The following CEP131 variants were observed in gnomAD, a reference collection of about 807,000 sequenced individuals.
CEP131 encodes centrosomal protein of 131 kDa.
A neutral mutation model predicts 136.8 loss-of-function variants in CEP131; 99 were observed. The ratio of observed to expected loss-of-function variants is 0.72; its 90% CI spans 0.62 to 0.86. The LOEUF (loss-of-function observed/expected upper bound fraction) is 0.86. CEP131 is among the 40% of genes least tolerant of loss of function. The pLI is 0.00. For missense variants in CEP131, 1,459 were observed against 1,463.0 expected, an observed-to-expected ratio of 1.00 and a Z score of 0.04; for synonymous variants, 646 against 612.7, an observed-to-expected ratio of 1.05 and a Z score of -0.80.
At position 81,217,398 on chromosome 17, in the gene CEP131, C is replaced by A. The variant is rs561044699; in HGVS notation, c.177+2482G>T. On this transcript the variant is annotated intron_variant, in intron 2 of 25. Coordinates refer to ENST00000450824, the MANE Select transcript of CEP131 (RefSeq NM_014984.4). Reference sequence around the variant, plus strand: ...GGTCTCCGAGCCAGGGGACAGCACCCCACCCCACCCACAAACACCAGGAGG... The same window carrying A: ...GGTCTCCGAGCCAGGGGACAGCACCACACCCCACCCACAAACACCAGGAGG... Among the ~76,000 whole-genome samples, 25 of 152,066 alleles carry A rather than the reference C, an allele frequency of 1.6e-4. 1 individual carries two copies. The South Asian group carries it at 5.2e-3, about 32-fold the overall frequency.
chr17:81,219,931 G>A lies in CEP131; in HGVS notation c.126C>T (p.Ile42=), dbSNP rs765991096. The A allele has an allele frequency of 7.4e-6, 12 of 1,612,274 alleles. No homozygotes were observed. Among genetic ancestry groups the A allele is most frequent in the African/African-American group, 1.3e-5 (1 of 74,956 alleles). ...RPGSAATTKP[I]VRSVSVVTGS... is the part of the protein sequence containing the mutation. Reference sequence around the variant, plus strand: ...CTGTGACCACGGAGACAGAGCGGACGATGGGCTTGGTGGTGGCGGCACTGC... The same window carrying A: ...CTGTGACCACGGAGACAGAGCGGACAATGGGCTTGGTGGTGGCGGCACTGC... The change falls in exon 2 of 26, where the codon ATC becomes ATT. Residue 42 remains isoleucine, a synonymous_variant. Transcript: ENST00000450824. This position sits in a 1 kb window ranked among gnomAD's most constrained non-coding sequence, Gnocchi z 4.0.
In CEP131 at chr17:81,190,974, T is replaced by G. The variant is rs201675408; in HGVS notation, c.2876A>C (p.Glu959Ala). 5 of 1,606,664 alleles carry G rather than the reference T, an allele frequency of 3.1e-6. No individual in the cohort carries two copies. In the Admixed American group the frequency reaches 8.3e-5, roughly 27 times the overall value. Reference protein sequence around the residue: ...SELKGQLGEAEGENLRLQGLV... With the variant: ...SELKGQLGEAAGENLRLQGLV... Reference sequence around the variant, plus strand: ...GCCCTGCAGACGCAGATTCTCGCCCTCGGCCTCCCCAAGCTGGCCCTTCAG... The same window carrying G: ...GCCCTGCAGACGCAGATTCTCGCCCGCGGCCTCCCCAAGCTGGCCCTTCAG... Residue 959 changes from glutamate (E) to alanine (A), a missense_variant, in exon 23 of 26, where the codon GAG becomes GCG. By Grantham distance (107) the Glu-to-Ala change is moderately radical. Around this residue, in one of 3 missense-constraint regions of CEP131, gnomAD observed 1,026 missense variants for 964.2 expected, o/e 1.06. Coordinates refer to ENST00000450824, the MANE Select transcript of CEP131 (RefSeq NM_014984.4).
chr17:81,205,909 A>G (rs1598300986), intron 5 of CEP131, among the ~76,000 whole-genome samples: 1 of 152,230 alleles, frequency 6.6e-6, no homozygotes, highest in South Asian at 2.1e-4. Flanking sequence ...AAAATAAATT[A>G]AAAAGCAAGA....
At chr17:81,209,609 C>T (rs576417689) in intron 2 of CEP131, among the ~76,000 whole-genome samples, 3 of 149,128 alleles carry the variant, frequency 2.0e-5, no homozygotes, top group Middle Eastern at 3.5e-3. Context: ...AGGATCAGAG[C>T]GCTCGGAGAA....
At position 81,208,746 on chromosome 17, in the gene CEP131, C is replaced by G. The variant is rs1241324401; in HGVS notation, c.272+182G>C. On this transcript the variant is annotated intron_variant, in intron 3 of 25. Transcript: ENST00000450824. This position sits in a 1 kb window ranked among gnomAD's most constrained non-coding sequence, Gnocchi z 5.6. ...CTGCCTCAGGCCTCCCGCCCCAATG[C>G]GAGAGGAGGCCTGGGACACAAAGCT... 2.0e-5 allele frequency among the ~76,000 whole-genome samples: 3 copies of G among 152,118 alleles called. No individual in the cohort carries two copies. The highest frequency in any genetic ancestry group is 2.1e-4 in the South Asian group (1 of 4,834).
intron 2 of CEP131, among the ~76,000 whole-genome samples, chr17:81,210,973 C>G (rs147814262): frequency 2.6e-5 from 4 of 152,222 alleles, no homozygotes; most frequent in African/African-American, 7.2e-5. Context: ...GAGCCCAGCT[C>G]GGCGGCAGCA....
intron 2 of CEP131, among the ~76,000 whole-genome samples, chr17:81,213,768 G>C (rs965484805): frequency 6.6e-6 from 1 of 152,170 alleles, no homozygotes. Context: ...ACCTTGGCCA[G>C]GGGACCAAGG....
Position 81,197,068 on chromosome 17 carries a change from C to T in CEP131, c.1648-13G>A, listed in dbSNP as rs1199468419. 2 of 1,580,324 alleles carry T rather than the reference C, an allele frequency of 1.3e-6. No individual in the cohort carries two copies. Among genetic ancestry groups the T allele is most frequent in the Non-Finnish European group, 1.7e-6 (2 of 1,163,484 alleles). The stretch of plus-strand genomic sequence containing the variant: ...CCGGCACCCACCCCTGCAGACACAG[C>T]CGAGCGTCAGGCGGAAGCGGCAGAG... On this transcript the variant is annotated splice_polypyrimidine_tract_variant and intron_variant, in intron 13 of 25. Transcript: ENST00000450824.
intron 16 of CEP131, 67 bp downstream of exon 16, chr17:81,195,768 C>CTG (rs2061740753): frequency 2.9e-6 from 4 of 1,388,784 alleles, no homozygotes; most frequent in Non-Finnish European, 3.0e-6. Flanking sequence ...GTTCTGGGGG[C>CTG]TGTGCCAGCT....
At chr17:81,205,395 GC>G in intron 5 of CEP131, among the ~76,000 whole-genome samples, 1 of 124,564 alleles carries the variant, frequency 8.0e-6, no homozygotes, top group African/African-American at 3.3e-5. Context: ...AGGAGGGGCA[GC>G]GGGGCAGTGG....
intron 2 of CEP131, among the ~76,000 whole-genome samples, chr17:81,218,449 C>T (rs1438504778): frequency 6.6e-6 from 1 of 152,254 alleles, no homozygotes; most frequent in Non-Finnish European, 1.5e-5. Context: ...GTCAGTGACG[C>T]AGGAGCAGGG....
chr17:81,196,977 CCAGCTT>C lies in CEP131; in HGVS notation c.1720_1725del (p.Lys574_Leu575del), dbSNP rs770158663. ...ATGGCCTGCTTCTTCTCCTCCACCT[CCAGCTT>C]CAGCCGCATCACAGACGTGCTCACC... On this transcript the variant is annotated inframe_deletion, in exon 14 of 26. Coordinates refer to ENST00000450824, the MANE Select transcript of CEP131 (RefSeq NM_014984.4). The C allele has an allele frequency of 2.5e-5, 40 of 1,606,870 alleles. No homozygotes were observed. In the East Asian group the frequency reaches 6.5e-4, roughly 26 times the overall value.
At chr17:81,192,696 A>AGGGGTCCCTGGGAGAGGGCGT in intron 19 of CEP131, 40 bp downstream of exon 19, 1 of 1,452,352 alleles carries the variant, frequency 6.9e-7, no homozygotes, top group Non-Finnish European at 9.4e-7. Context: ...TCAGCCAGCG[A>AGGGGTCCCTGGGAGAGGGCGT]GGGGTCCCTG....
chr17:81,212,134 G>A (rs1168869660), intron 2 of CEP131, among the ~76,000 whole-genome samples: 6 of 151,286 alleles, frequency 4.0e-5, no homozygotes, highest in Non-Finnish European at 8.8e-5. Flanking sequence ...GGCCACCATG[G>A]TGAAACCTTG....
In CEP131 at chr17:81,195,848, G is replaced by A. The variant is rs368812421; in HGVS notation, c.2003C>T (p.Ala668Val). 3.9e-4 allele frequency: 629 copies of A among 1,604,986 alleles called. 8 individuals carry two copies. The South Asian group carries it at 6.3e-3, about 16-fold the overall frequency. ...RCTERVAQAQ[A>V]QHELEIKKLK... ...GCAAAGCCTCACCAGCTCGTGCTGC[G>A]CCTGTGCCTGGGCCACACGCTCGGT... Residue 668 changes from alanine to valine, a missense_variant, in exon 16 of 26, where the codon GCG (alanine) becomes GTG (valine). Ala to Val is a moderately conservative substitution (Grantham distance 64). This residue lies in a region of CEP131 where 1,026 missense variants were observed against 964.2 expected (regional missense o/e 1.06). Coordinates refer to ENST00000450824, the MANE Select transcript of CEP131 (RefSeq NM_014984.4).
rs749269346 is a variant in CEP131, at chr17:81,215,967, C to T, written c.177+3913G>A. Among the ~76,000 whole-genome samples the T allele has an allele frequency of 4.6e-5, 7 of 152,032 alleles. No homozygotes were observed. The highest frequency in any genetic ancestry group is 7.4e-5 in the Non-Finnish European group (5 of 68,006). On this transcript the variant is annotated intron_variant, in intron 2 of 25. Transcript: ENST00000450824. The surrounding 1 kb of genome is among the most constrained non-coding windows in gnomAD (Gnocchi z 4.1). ...AGGGTCAGGTGCAGCGGCCCACACC[C>T]GTAATCCCAGCACTTTGGGAGGCCG...
In CEP131 at chr17:81,200,454, G is replaced by A. The variant is rs900323486; in HGVS notation, c.789-8C>T. On this transcript the variant is annotated splice_region_variant and splice_polypyrimidine_tract_variant and intron_variant, in intron 7 of 25. Transcript: ENST00000450824. ...TTCACCTGGTGGATAAACCTGCCCG[G>A]AGAGCAGGACTCAGGGCCAAGACAG... 6 of 1,541,668 alleles carry A rather than the reference G, an allele frequency of 3.9e-6. No homozygotes were observed. In the African/African-American group the frequency reaches 5.5e-5, roughly 14 times the overall value.
chr17:81,199,573 A>G, intron 9 of CEP131, 24 bp from the exon 10 acceptor site: 1 of 1,599,118 alleles, frequency 6.3e-7, no homozygotes. Context: ...ATCGCTGAGC[A>G]CTGTCCCTGG....
At chr17:81,204,298 C>G (rs894558782) in intron 5 of CEP131, among the ~76,000 whole-genome samples, 1 of 152,184 alleles carries the variant, frequency 6.6e-6, no homozygotes, top group Non-Finnish European at 1.5e-5. Flanking sequence ...CCTGCCCTCC[C>G]CAGCTGGCCC....
Sources: gnomAD v4.1 joint callset for allele counts (sites outside exome capture counted in the v4.1 genomes callset) on GRCh38, gnomAD v4.1.1 for gene constraint, gnomAD v4.1.1 regional missense constraint, Gnocchi (gnomAD v3.1) non-coding constraint, MANE v1.5 for transcripts, NCBI Gene and HGNC (gene_info 2026-07-23, HGNC 2026-07-21) for gene names.